The following TBC1D22A variants were observed in gnomAD, a reference collection of about 807,000 sequenced individuals.
The protein encoded by TBC1D22A is putative GTPase activator.
TBC1D22A carries 38 observed loss-of-function variants against 60.2 expected under a neutral mutation model. The observed-to-expected ratio is 0.63, with a 90% CI of 0.49 to 0.83. The LOEUF (loss-of-function observed/expected upper bound fraction) is 0.83, where lower values mean the gene tolerates loss of function less well. TBC1D22A is among the 40% of genes least tolerant of loss of function. The probability of loss-of-function intolerance (pLI) is 0.00; values close to 1 mark genes in which losing one functional copy is unlikely to be tolerated. For missense variants in TBC1D22A, 628 were observed against 701.0 expected (o/e 0.90, Z 1.18); for synonymous variants, 302 against 281.7 (o/e 1.07, Z -0.72).
At chr22:46,849,482 T>C (rs947270665) in intron 4 of TBC1D22A, among the ~76,000 whole-genome samples, 37 of 152,212 alleles carry the variant, frequency 2.4e-4, no homozygotes, top group African/African-American at 8.7e-4. Context: ...ACACAGTCTC[T>C]GTCATCTTTA....
chr22:46,804,536 T>C (rs184468397), intron 4 of TBC1D22A, among the ~76,000 whole-genome samples: 180 of 152,364 alleles, frequency 1.2e-3, no homozygotes, highest in Non-Finnish European at 2.0e-3. Context: ...AGGCAGGGCA[T>C]GCGAGAGCCT....
intron 9 of TBC1D22A, among the ~76,000 whole-genome samples, chr22:46,995,642 G>A (rs955559135): frequency 3.9e-5 from 6 of 152,162 alleles, no homozygotes; most frequent in African/African-American, 1.4e-4. Flanking sequence ...TGTCTTACCT[G>A]GGGTCACCTC....
At chr22:47,042,752 C>G (rs1193103606) in intron 11 of TBC1D22A, among the ~76,000 whole-genome samples, 1 of 152,364 alleles carries the variant, frequency 6.6e-6, no homozygotes, top group East Asian at 1.9e-4. Context: ...AGGCACATCT[C>G]CCAGAGGTAG....
chr22:46,969,022 G>A (rs1161266433), intron 8 of TBC1D22A, among the ~76,000 whole-genome samples: 2 of 152,074 alleles, frequency 1.3e-5, no homozygotes, highest in Middle Eastern at 3.2e-3. Flanking sequence ...TCCCCACCTT[G>A]TAGCACCGGC....
At chr22:47,065,654 T>C in intron 11 of TBC1D22A, among the ~76,000 whole-genome samples, 2 of 151,550 alleles carry the variant, frequency 1.3e-5, no homozygotes, top group Admixed American at 6.6e-5. Context: ...TGGGTTGGAT[T>C]GAGGGAGACC....
chr22:47,074,034 G>A (rs2064109997), intron 11 of TBC1D22A, among the ~76,000 whole-genome samples: 1 of 152,262 alleles, frequency 6.6e-6, no homozygotes, highest in Admixed American at 6.5e-5. Context: ...GTCGGGCCCC[G>A]GAGGTTGAGG....
chr22:47,041,105 A>T (rs1438221864), intron 11 of TBC1D22A, among the ~76,000 whole-genome samples: 1 of 152,194 alleles, frequency 6.6e-6, no homozygotes, highest in East Asian at 1.9e-4. Flanking sequence ...TTCTAAGGAA[A>T]GGGAACATTT....
At chr22:47,081,042 C>T (rs769001886) in intron 11 of TBC1D22A, among the ~76,000 whole-genome samples, 3 of 150,876 alleles carry the variant, frequency 2.0e-5, no homozygotes, top group Non-Finnish European at 4.4e-5. Flanking sequence ...ATTGCTTGAA[C>T]CTGGGAGGCG....
chr22:46,965,058 T>C (rs2073732195), intron 8 of TBC1D22A, among the ~76,000 whole-genome samples: 1 of 152,182 alleles, frequency 6.6e-6, no homozygotes, highest in South Asian at 2.1e-4. Context: ...GACTTAGGCT[T>C]CTGTAAGTGG....
intron 8 of TBC1D22A, among the ~76,000 whole-genome samples, chr22:46,944,179 C>T (rs1374508255): frequency 1.3e-5 from 2 of 152,216 alleles, no homozygotes; most frequent in Admixed American, 6.5e-5. Flanking sequence ...TGTGTTTCTC[C>T]ACATCCCTGT....
At chr22:46,876,948 G>T (rs73891034) in intron 4 of TBC1D22A, among the ~76,000 whole-genome samples, 3 of 152,194 alleles carry the variant, frequency 2.0e-5, no homozygotes, top group Non-Finnish European at 4.4e-5. Flanking sequence ...ATTTCCCGAC[G>T]TTGAACCATC....
intron 4 of TBC1D22A, among the ~76,000 whole-genome samples, chr22:46,799,424 A>T (rs976530806): frequency 2.0e-5 from 3 of 152,164 alleles, no homozygotes; most frequent in Admixed American, 6.5e-5. Context: ...CATATTTCCT[A>T]AGCACAAAGA....
chr22:47,166,352 AAG>A (rs2068208910), intron 12 of TBC1D22A, among the ~76,000 whole-genome samples: 2 of 152,370 alleles, frequency 1.3e-5, no homozygotes, highest in South Asian at 4.1e-4. Context: ...AAAACAAAGA[AAG>A]AGGCAGGTGT....
chr22:46,789,311 G>C lies in TBC1D22A; in HGVS notation c.63-3209G>C, dbSNP rs897206156. On this transcript the variant is annotated intron_variant, in intron 1 of 12. Coordinates refer to ENST00000337137, the MANE Select transcript of TBC1D22A (RefSeq NM_014346.5). Reference sequence around the variant, plus strand: ...CGGCTAATTTTTTGTATTTTTCATAGAGACGGGGTTTCACTGTGTTATCCA... The same window carrying C: ...CGGCTAATTTTTTGTATTTTTCATACAGACGGGGTTTCACTGTGTTATCCA... The C allele has an allele frequency of 1.8e-5, 7 of 396,760 alleles. 1 individual carries two copies. In the Middle Eastern group the frequency reaches 1.1e-3, roughly 61 times the overall value. The allele number at this position is 396,760 out of a possible 1,614,324, so 24.6% of individuals were successfully genotyped here. A position where few individuals can be genotyped will look rare whatever the true frequency, so the allele number is the denominator to read the frequency against.
At chr22:46,802,231 G>T (rs1296407036) in intron 4 of TBC1D22A, among the ~76,000 whole-genome samples, 1 of 152,230 alleles carries the variant, frequency 6.6e-6, no homozygotes, top group Non-Finnish European at 1.5e-5. Context: ...GGCGAGGCTT[G>T]CGAGGGCCCT....
intron 5 of TBC1D22A, among the ~76,000 whole-genome samples, chr22:46,890,304 C>T (rs1290813880): frequency 6.6e-6 from 1 of 152,112 alleles, no homozygotes; most frequent in Non-Finnish European, 1.5e-5. Context: ...TGCCACTGCA[C>T]TCCAGCCTGG....
intron 1 of TBC1D22A, among the ~76,000 whole-genome samples, chr22:46,771,725 G>T (rs894656079): frequency 2.0e-5 from 3 of 152,020 alleles, no homozygotes; most frequent in East Asian, 3.9e-4. Flanking sequence ...CTCCCGAGTG[G>T]CTGGGATTAT....
At chr22:47,124,397 G>T (rs1035815630) in intron 12 of TBC1D22A, among the ~76,000 whole-genome samples, 8 of 152,214 alleles carry the variant, frequency 5.3e-5, no homozygotes, top group Admixed American at 4.6e-4. Flanking sequence ...GCTGAGAGCC[G>T]CCTGGAGGAC....
chr22:46,988,245 G>A (rs2074803485), intron 9 of TBC1D22A, among the ~76,000 whole-genome samples: 1 of 152,122 alleles, frequency 6.6e-6, no homozygotes, highest in Non-Finnish European at 1.5e-5. Flanking sequence ...CTGAAGTATT[G>A]AACCCCTCAA....
Sources: allele counts gnomAD v4.1 joint callset (sites outside exome capture counted in the v4.1 genomes callset), GRCh38; gene constraint gnomAD v4.1.1; transcripts MANE v1.5; gene names NCBI Gene and HGNC (gene_info 2026-07-23, HGNC 2026-07-21).